SIPA1L1: variants seen among roughly 807,000 people sequenced by gnomAD.
SIPA1L1 encodes signal-induced proliferation-associated 1-like protein 1.
A neutral mutation model predicts 162.7 loss-of-function variants in SIPA1L1; 26 were observed. That is an observed-to-expected ratio of 0.16 (90% confidence interval 0.12 to 0.22). The LOEUF (loss-of-function observed/expected upper bound fraction) is 0.22, where lower values mean the gene tolerates loss of function less well. SIPA1L1 is among the 10% of genes least tolerant of loss of function. SIPA1L1 has a pLI of 1.00. For missense variants in SIPA1L1, 1,874 were observed against 2,241.0 expected, an observed-to-expected ratio of 0.84 and a Z score of 3.31; for synonymous variants, 829 against 837.4, an observed-to-expected ratio of 0.99 and a Z score of 0.17.
At chr14:71,344,844 G>T (rs907763664) in intron 2 of SIPA1L1, among the ~76,000 whole-genome samples, 1 of 152,144 alleles carries the variant, frequency 6.6e-6, no homozygotes, top group African/African-American at 2.4e-5. Flanking sequence ...AGGAGGTGTC[G>T]TGAGCCACTG....
chr14:71,623,829 C>T (rs188533581), intron 6 of SIPA1L1, among the ~76,000 whole-genome samples: 2 of 152,220 alleles, frequency 1.3e-5, no homozygotes, highest in East Asian at 3.9e-4. Context: ...ATTATGTGCT[C>T]CTTTGGACCC....
At chr14:71,331,709 T>C (rs1195070333) in intron 2 of SIPA1L1, among the ~76,000 whole-genome samples, 1 of 152,248 alleles carries the variant, frequency 6.6e-6, no homozygotes, top group Non-Finnish European at 1.5e-5. Flanking sequence ...ATTTTTTCCT[T>C]GATGCTGTGT....
At chr14:71,475,617 A>C (rs926834639) in intron 2 of SIPA1L1, among the ~76,000 whole-genome samples, 6 of 152,250 alleles carry the variant, frequency 3.9e-5, no homozygotes, top group South Asian at 2.1e-4. Context: ...AGAAAATTAG[A>C]AAGAAAAAAA....
chr14:71,547,182 A>ATT (rs1410552020), intron 4 of SIPA1L1, among the ~76,000 whole-genome samples: 1 of 151,262 alleles, frequency 6.6e-6, no homozygotes, highest in Non-Finnish European at 1.5e-5. Context: ...AGAAACTCAA[A>ATT]TGTTTTTGAA....
rs190726898 is a variant in SIPA1L1, at chr14:71,400,781, G to A, written c.-465+79600G>A. On this transcript the variant is annotated intron_variant, in intron 2 of 23. Coordinates refer to ENST00000381232, the MANE Select transcript of SIPA1L1 (RefSeq NM_001386936.1). Reference sequence around the variant, plus strand: ...CTTCATCTGATCTTAATGTTTTGTCGTATTTGCTTCAGGTCTTAAAACATT... The same window carrying A: ...CTTCATCTGATCTTAATGTTTTGTCATATTTGCTTCAGGTCTTAAAACATT... 17 of 152,140 alleles carry A rather than the reference G, an allele frequency of 1.1e-4. No individual in the cohort carries two copies. The East Asian group carries it at 2.1e-3, about 19-fold the overall frequency. The allele number at this position is 152,140 out of a possible 1,614,324, so 9.4% of individuals were successfully genotyped here.
chr14:71,648,914 T>C (rs1342147906), intron 7 of SIPA1L1, among the ~76,000 whole-genome samples: 1 of 152,246 alleles, frequency 6.6e-6, no homozygotes. Context: ...AGTTCCTCTC[T>C]CTTGCATTCT....
chr14:71,658,349 C>G lies in SIPA1L1; in HGVS notation c.2010C>G (p.Thr670=), dbSNP rs750420522. 7 of 1,602,006 alleles carry G rather than the reference C, an allele frequency of 4.4e-6. No individual in the cohort carries two copies. Among genetic ancestry groups the G allele is most frequent in the Non-Finnish European group, 4.3e-6 (5 of 1,169,226 alleles). ...QLDTKTDSTG[T]HSLYTTYKDY... Reference sequence around the variant, plus strand: ...TAACTGTAGCTGACTCCACTGGAACCCATTCTCTGTACACAACATACAAAG... The same window carrying G: ...TAACTGTAGCTGACTCCACTGGAACGCATTCTCTGTACACAACATACAAAG... The change falls in exon 9 of 24, where the codon ACC becomes ACG. Residue 670 remains threonine, a synonymous_variant. Coordinates refer to ENST00000381232, the MANE Select transcript of SIPA1L1 (RefSeq NM_001386936.1).
chr14:71,421,423 A>G (rs949355157), intron 2 of SIPA1L1, among the ~76,000 whole-genome samples: 3 of 151,840 alleles, frequency 2.0e-5, no homozygotes, highest in Admixed American at 2.0e-4. Context: ...TGAGACCCCC[A>G]TCTCTACAAA....
chr14:71,354,333 G>A (rs1416328673), intron 2 of SIPA1L1, among the ~76,000 whole-genome samples: 1 of 149,540 alleles, frequency 6.7e-6, no homozygotes, highest in Admixed American at 6.7e-5. Context: ...ACGCTGGAGT[G>A]CAGTGGCCAT....
At chr14:71,349,203 G>A (rs1027519706) in intron 2 of SIPA1L1, among the ~76,000 whole-genome samples, 1 of 152,184 alleles carries the variant, frequency 6.6e-6, no homozygotes, top group Non-Finnish European at 1.5e-5. Flanking sequence ...GCACAAAAAG[G>A]GAATGATCTA....
intron 2 of SIPA1L1, among the ~76,000 whole-genome samples, chr14:71,432,155 G>A (rs1471042228): frequency 6.6e-6 from 1 of 152,040 alleles, no homozygotes; most frequent in East Asian, 1.9e-4. Flanking sequence ...GCTCACTGCA[G>A]CCTCAAACTC....
At chr14:71,578,464 C>T (rs1450579712) in intron 4 of SIPA1L1, among the ~76,000 whole-genome samples, 1 of 152,198 alleles carries the variant, frequency 6.6e-6, no homozygotes, top group African/African-American at 2.4e-5. Context: ...CCAAAACTCC[C>T]ACCCTGAATG....
intron 12 of SIPA1L1, among the ~76,000 whole-genome samples, chr14:71,679,945 G>A (rs1254381264): frequency 6.6e-6 from 1 of 152,138 alleles, no homozygotes. Flanking sequence ...AGTCCTTAGA[G>A]ACCTACAAAG....
At chr14:71,465,354 G>T (rs1325925969) in intron 2 of SIPA1L1, among the ~76,000 whole-genome samples, 1 of 152,180 alleles carries the variant, frequency 6.6e-6, no homozygotes, top group East Asian at 1.9e-4. Context: ...CTCAGTATGT[G>T]CTTCTGAAGC....
At chr14:71,356,896 C>G (rs2037329352) in intron 2 of SIPA1L1, among the ~76,000 whole-genome samples, 1 of 151,830 alleles carries the variant, frequency 6.6e-6, no homozygotes, top group Non-Finnish European at 1.5e-5. Context: ...AGTCAAGACC[C>G]ATTCTTGTGA....
intron 2 of SIPA1L1, among the ~76,000 whole-genome samples, chr14:71,356,916 T>C (rs2037331284): frequency 6.6e-6 from 1 of 152,138 alleles, no homozygotes; most frequent in African/African-American, 2.4e-5. Flanking sequence ...AATTTGTTTT[T>C]CTGATCAGAG....
At chr14:71,735,449 C>T (rs1184873805) in intron 22 of SIPA1L1, 58 bp downstream of exon 22, 5 of 1,187,802 alleles carry the variant, frequency 4.2e-6, no homozygotes, top group African/African-American at 1.5e-5. Flanking sequence ...CCACTGACTG[C>T]ATCTGTGGGG....
intron 13 of SIPA1L1, among the ~76,000 whole-genome samples, 179 bp from the exon 14 acceptor site, chr14:71,698,802 G>A (rs1428768681): frequency 7.6e-6 from 1 of 131,456 alleles, no homozygotes; most frequent in African/African-American, 3.0e-5. Flanking sequence ...TTTTCCAGCT[G>A]TTCCCCTAGG....
intron 5 of SIPA1L1, among the ~76,000 whole-genome samples, chr14:71,598,686 A>G (rs2036342548): frequency 6.6e-6 from 1 of 152,246 alleles, no homozygotes; most frequent in South Asian, 2.1e-4. Context: ...ACATAGTGGA[A>G]ACACTGGTGA....
Sources: gnomAD v4.1 joint callset for allele counts (sites outside exome capture counted in the v4.1 genomes callset) on GRCh38, gnomAD v4.1.1 for gene constraint, MANE v1.5 for transcripts, NCBI Gene and HGNC (gene_info 2026-07-23, HGNC 2026-07-21) for gene names.